ITSN1: variants seen among roughly 807,000 people sequenced by gnomAD.
ITSN1 encodes intersectin 1, also known as intersectin-1.
In ITSN1, 58 loss-of-function variants were observed where a neutral mutation model predicts 239.8. That is an observed-to-expected ratio of 0.24 (90% CI 0.20 to 0.30). ITSN1 has a LOEUF of 0.30. Among genes scored for constraint, ITSN1 ranks in the 10% least tolerant of loss-of-function variants. ITSN1 has a pLI of 1.00. For missense variants in ITSN1, 1,558 were observed against 2,103.3 expected (o/e 0.74, Z 5.07); for synonymous variants, 780 against 770.8 (o/e 1.01, Z -0.20).
At position 33,794,876 on chromosome 21, in the gene ITSN1, T is replaced by C. The variant is rs182941704; in HGVS notation, c.1952+408T>C. ...CAGCAGGGTCAGGGTGGGCCTCTTCTGTTTTTCAACTGCAAATTAAACTTT... is the reference window on the plus strand; with the variant it reads ...CAGCAGGGTCAGGGTGGGCCTCTTCCGTTTTTCAACTGCAAATTAAACTTT... On this transcript the variant is annotated intron_variant, in intron 17 of 39. Coordinates refer to ENST00000381318, the MANE Select transcript of ITSN1 (RefSeq NM_003024.3). Among the ~76,000 whole-genome samples, 701 of 152,338 alleles carry C rather than the reference T, an allele frequency of 4.6e-3. 4 individuals carry two copies. Among genetic ancestry groups the C allele is most frequent in the Admixed American group, 0.011 (161 of 15,306 alleles).
intron 33 of ITSN1, among the ~76,000 whole-genome samples, chr21:33,871,170 G>A (rs1178993987): frequency 6.6e-6 from 1 of 150,808 alleles, no homozygotes; most frequent in Non-Finnish European, 1.5e-5. Flanking sequence ...TTTTATTCTG[G>A]GGAACAACGT....
At chr21:33,715,558 T>C (rs2065083340) in intron 1 of ITSN1, among the ~76,000 whole-genome samples, 1 of 152,164 alleles carries the variant, frequency 6.6e-6, no homozygotes, top group African/African-American at 2.4e-5. Flanking sequence ...ACTAAAATGT[T>C]CAAGAGAATT....
At chr21:33,859,548 T>G (rs550299698) in intron 31 of ITSN1, among the ~76,000 whole-genome samples, 23 of 152,216 alleles carry the variant, frequency 1.5e-4, no homozygotes, top group Non-Finnish European at 2.4e-4. Flanking sequence ...CGCGTGATAT[T>G]CCCTGCTGGG....
At chr21:33,673,518 C>T (rs1480292853) in intron 1 of ITSN1, among the ~76,000 whole-genome samples, 3 of 152,138 alleles carry the variant, frequency 2.0e-5, no homozygotes, top group South Asian at 2.1e-4. Flanking sequence ...GAAGAGGTGC[C>T]GGTTTGAAGG....
At chr21:33,649,581 A>G (rs1214604961) in intron 1 of ITSN1, among the ~76,000 whole-genome samples, 2 of 152,168 alleles carry the variant, frequency 1.3e-5, no homozygotes, top group Non-Finnish European at 2.9e-5. Flanking sequence ...GTTGGTCACC[A>G]AAACCTGTCA....
At chr21:33,788,496 C>T (rs1466713297) in intron 16 of ITSN1, among the ~76,000 whole-genome samples, 5 of 152,114 alleles carry the variant, frequency 3.3e-5, no homozygotes, top group East Asian at 1.9e-4. Context: ...TTTGGGAGTT[C>T]GAGGCGAGTG....
At chr21:33,758,227 G>T (rs577536298) in intron 8 of ITSN1, among the ~76,000 whole-genome samples, 95 of 152,168 alleles carry the variant, frequency 6.2e-4, no homozygotes, top group African/African-American at 2.2e-3. Flanking sequence ...AGGCTCGGGG[G>T]ATCCTCCCAC....
intron 1 of ITSN1, among the ~76,000 whole-genome samples, chr21:33,705,575 G>A (rs529795043): frequency 1.2e-4 from 18 of 151,788 alleles, no homozygotes; most frequent in African/African-American, 4.4e-4. Context: ...TGTATTTTTA[G>A]TAGAGACAGG....
chr21:33,760,296 A>T (rs1225408981), intron 8 of ITSN1, among the ~76,000 whole-genome samples: 1 of 152,170 alleles, frequency 6.6e-6, no homozygotes, highest in East Asian at 1.9e-4. Context: ...CCTTGGTGGT[A>T]GCTGAGTCTA....
Position 33,895,599 on chromosome 21 carries a change from G to C in ITSN1, c.*7299G>C, listed in dbSNP as rs1602751836. 1.2e-5 allele frequency: 1 copy of C among 84,576 alleles called. No individual in the cohort carries two copies. The highest frequency in any genetic ancestry group is 4.1e-4 in the South Asian group (1 of 2,462). 5.2% of individuals were successfully genotyped at this position (84,576 alleles called of 1,614,324 possible). The stretch of plus-strand genomic sequence containing the variant: ...CGTGTGTGCATGTTTGTGAGTGCAT[G>C]TGTTTGTGCGTGTGTGCGTATTTGT... On this transcript the variant is annotated 3_prime_UTR_variant, in exon 40 of 40. Coordinates refer to ENST00000381318, the MANE Select transcript of ITSN1 (RefSeq NM_003024.3).
intron 1 of ITSN1, among the ~76,000 whole-genome samples, chr21:33,667,244 G>T (rs1336314771): frequency 6.7e-6 from 1 of 150,344 alleles, no homozygotes; most frequent in Non-Finnish European, 1.5e-5. Context: ...CTATGTACTT[G>T]TATATGTCTG....
intron 14 of ITSN1, among the ~76,000 whole-genome samples, chr21:33,777,607 A>G (rs1200597548): frequency 6.6e-6 from 1 of 152,168 alleles, no homozygotes; most frequent in Non-Finnish European, 1.5e-5. Context: ...TCTCTCAGCA[A>G]TGTTTTGTAG....
In ITSN1 at chr21:33,746,719, A is replaced by G. The variant is rs974379503; in HGVS notation, c.347-3424A>G. Among the ~76,000 whole-genome samples, 5 of 151,932 alleles carry G rather than the reference A, an allele frequency of 3.3e-5. No individual in the cohort carries two copies. The East Asian group carries it at 7.8e-4, about 24-fold the overall frequency. On this transcript the variant is annotated intron_variant, in intron 5 of 39. Transcript: ENST00000381318. ...TAGCTGGACATGATGGCAGGCGCCT[A>G]TAATCCCAGCTATGTGGGAGGCTGA...
chr21:33,832,844 TGTG>T (rs983352136), intron 27 of ITSN1, among the ~76,000 whole-genome samples: 4 of 152,150 alleles, frequency 2.6e-5, no homozygotes, highest in African/African-American at 7.2e-5. Context: ...GCAGAGGTAA[TGTG>T]GTGGAAGTTT....
chr21:33,797,682 C>G lies in ITSN1; in HGVS notation c.2182+74C>G. The G allele has an allele frequency of 8.8e-7, 1 of 1,136,032 alleles. No individual in the cohort carries two copies. The highest frequency in any genetic ancestry group is 1.3e-6 in the Non-Finnish European group (1 of 773,334). 70.4% of individuals were successfully genotyped at this position (1,136,032 alleles called of 1,614,324 possible). On this transcript the variant is annotated intron_variant, in intron 18 of 39. Transcript: ENST00000381318. This position sits in a 1 kb window ranked among gnomAD's most constrained non-coding sequence, Gnocchi z 4.9. ...AGAGCCTCCTGAAAAATGCCCCTATCTCATCAGTACCTGTCTTGGCTACAT... is the reference window on the plus strand; with the variant it reads ...AGAGCCTCCTGAAAAATGCCCCTATGTCATCAGTACCTGTCTTGGCTACAT...
Position 33,799,908 on chromosome 21 carries a change from C to T in ITSN1, c.2283C>T (p.Ile761=). Residue 761 remains isoleucine (I), a synonymous_variant, in exon 19 of 40, where the codon ATC becomes ATT. Coordinates refer to ENST00000381318, the MANE Select transcript of ITSN1 (RefSeq NM_003024.3). ...CCAGAAGCCATGATGAAATCACTAT[C>T]CAGCCAGGAGACATAGTCATGGTAA... is the stretch of plus-strand genomic sequence containing the variant. ...FESRSHDEIT[I]QPGDIVMVKG... is the part of the protein sequence containing the mutation. 3.1e-6 allele frequency: 5 copies of T among 1,613,954 alleles called. No individual in the cohort carries two copies. The highest frequency in any genetic ancestry group is 4.2e-6 in the Non-Finnish European group (5 of 1,179,932).
At chr21:33,778,799 C>T (rs1569161225) in intron 14 of ITSN1, among the ~76,000 whole-genome samples, 1 of 149,542 alleles carries the variant, frequency 6.7e-6, no homozygotes, top group African/African-American at 2.5e-5. Context: ...GGGATGGTCT[C>T]GATCTCCTGA....
chr21:33,707,000 G>C (rs900871301), intron 1 of ITSN1, among the ~76,000 whole-genome samples: 5 of 152,254 alleles, frequency 3.3e-5, no homozygotes, highest in Non-Finnish European at 7.4e-5. Flanking sequence ...TGGGATTACA[G>C]GTGTGAGCCA....
At chr21:33,710,668 A>G (rs1377674048) in intron 1 of ITSN1, among the ~76,000 whole-genome samples, 1 of 151,700 alleles carries the variant, frequency 6.6e-6, no homozygotes, top group Non-Finnish European at 1.5e-5. Context: ...TTATAGTTGT[A>G]TGACCTAAAA....
Sources: allele counts gnomAD v4.1 joint callset (sites outside exome capture counted in the v4.1 genomes callset), GRCh38; gene constraint gnomAD v4.1.1; non-coding constraint Gnocchi (gnomAD v3.1); transcripts MANE v1.5; gene names NCBI Gene and HGNC (gene_info 2026-07-23, HGNC 2026-07-21).